The following RBP7 variants were observed in gnomAD, a reference collection of about 807,000 sequenced individuals.
RBP7 encodes retinol binding protein 7.
A neutral mutation model predicts 16.7 loss-of-function variants in RBP7; 13 were observed. The observed-to-expected ratio is 0.78, with a 90% confidence interval of 0.51 to 1.24. RBP7 has a LOEUF of 1.24. Among genes scored for constraint, RBP7 ranks in the 50% most tolerant of loss-of-function variants. The pLI is 0.00. For missense variants in RBP7, 145 were observed against 159.5 expected, an observed-to-expected ratio of 0.91 and a Z score of 0.49; for synonymous variants, 54 against 56.2, an observed-to-expected ratio of 0.96 and a Z score of 0.17.
At chr1:10,014,260 G>C (rs76733852) in intron 3 of RBP7, among the ~76,000 whole-genome samples, 3,049 of 152,210 alleles carry the variant, frequency 0.02, 85 homozygotes, top group African/African-American at 0.069. Context: ...CTTCCATGTT[G>C]AACGGTGAAC....
intron 1 of RBP7, 100 bp from the exon 2 acceptor site, chr1:10,007,470 A>G (rs1225554731): frequency 9.2e-6 from 8 of 866,808 alleles, no homozygotes; most frequent in South Asian, 7.4e-5. Flanking sequence ...CGTACAGGAA[A>G]TGCTAACAAT....
intron 3 of RBP7, among the ~76,000 whole-genome samples, chr1:10,010,533 C>T (rs953342518): frequency 2.0e-5 from 3 of 152,064 alleles, no homozygotes; most frequent in African/African-American, 7.2e-5. Context: ...TCTCCTGCCT[C>T]AGCCTCCCAA....
At chr1:10,009,225 C>T (rs1168694444) in intron 3 of RBP7, among the ~76,000 whole-genome samples, 2 of 152,046 alleles carry the variant, frequency 1.3e-5, no homozygotes, top group Non-Finnish European at 2.9e-5. Flanking sequence ...TCCTGGCCAA[C>T]ATGGTGAAAC....
intron 2 of RBP7, 144 bp downstream of exon 2, chr1:10,007,892 A>T: frequency 1.3e-6 from 1 of 769,500 alleles, no homozygotes. Flanking sequence ...ACAGAAAAAA[A>T]TTCAAAAAGT....
intron 1 of RBP7, among the ~76,000 whole-genome samples, chr1:10,006,733 G>A (rs1047156810): frequency 7.2e-6 from 1 of 139,796 alleles, no homozygotes; most frequent in Non-Finnish European, 1.5e-5. Context: ...ATACGTGTGT[G>A]TGTGTGTGTG....
rs570451151 is a variant in RBP7, at chr1:10,005,189, T to C, written c.74-2381T>C. Among the ~76,000 whole-genome samples, 8 of 151,996 alleles carry C rather than the reference T, an allele frequency of 5.3e-5. No individual in the cohort carries two copies. In the South Asian group the frequency reaches 6.2e-4, roughly 12 times the overall value. On this transcript the variant is annotated intron_variant, in intron 1 of 3. Transcript: ENST00000294435. The stretch of plus-strand genomic sequence containing the variant: ...AGGCATGTACCACTATGCCCAGCTG[T>C]TTTTTTGAGATATTTGTTTGTTTGT...
At chr1:10,002,602 C>T (rs530920470) in intron 1 of RBP7, among the ~76,000 whole-genome samples, 20 of 152,150 alleles carry the variant, frequency 1.3e-4, no homozygotes, top group South Asian at 6.2e-4. Context: ...TAGGCTCAAG[C>T]GATCCTCCCA....
intron 3 of RBP7, among the ~76,000 whole-genome samples, chr1:10,012,346 A>T (rs1462316384): frequency 6.6e-6 from 1 of 151,386 alleles, no homozygotes; most frequent in African/African-American, 2.4e-5. Context: ...ATGCCACTGC[A>T]CTCCAGCCTG....
At chr1:10,015,446 C>CT (rs1442358559) in intron 3 of RBP7, among the ~76,000 whole-genome samples, 1 of 115,204 alleles carries the variant, frequency 8.7e-6, no homozygotes, top group Non-Finnish European at 1.6e-5. Context: ...GAGACTCCAT[C>CT]TCAAAAAAAA....
At chr1:10,004,315 C>A (rs58907310) in intron 1 of RBP7, 1,590 of 151,028 alleles carry the variant, frequency 0.011, 31 homozygotes, top group Middle Eastern at 0.041. Flanking sequence ...CAGGTGATCG[C>A]CCACCTCTGC....
intron 1 of RBP7, chr1:10,007,045 C>G (rs1350716220): frequency 5.3e-6 from 2 of 377,552 alleles, no homozygotes; most frequent in Non-Finnish European, 5.2e-6. Context: ...CTCCTGGGTT[C>G]AAGCAATTCT....
At chr1:10,010,469 T>C (rs976618223) in intron 3 of RBP7, among the ~76,000 whole-genome samples, 2 of 151,934 alleles carry the variant, frequency 1.3e-5, no homozygotes, top group Non-Finnish European at 2.9e-5. Flanking sequence ...CAGGCTTGAG[T>C]GCAGTGGCGC....
intron 3 of RBP7, among the ~76,000 whole-genome samples, chr1:10,010,718 G>A (rs187585353): frequency 5.3e-4 from 81 of 152,038 alleles, no homozygotes; most frequent in Non-Finnish European, 9.7e-4. Flanking sequence ...CCAAGTAGCT[G>A]GAATTACAGG....
intron 2 of RBP7, among the ~76,000 whole-genome samples, 155 bp from the exon 3 acceptor site, chr1:10,008,018 C>T (rs1008557609): frequency 6.6e-6 from 1 of 150,912 alleles, no homozygotes. Context: ...CGTGCCACTG[C>T]ACTCCAGCCT....
At chr1:10,011,350 C>T (rs2101738847) in intron 3 of RBP7, among the ~76,000 whole-genome samples, 1 of 152,214 alleles carries the variant, frequency 6.6e-6, no homozygotes. Flanking sequence ...GGGAAGTCTT[C>T]TCTGGTGCCC....
intron 3 of RBP7, among the ~76,000 whole-genome samples, chr1:10,009,610 C>A (rs543321311): frequency 1.3e-5 from 2 of 151,426 alleles, no homozygotes; most frequent in Non-Finnish European, 2.9e-5. Flanking sequence ...CAGCTCACTG[C>A]AACCTCTGCC....
chr1:10,001,809 GTTTA>G (rs112287943), intron 1 of RBP7, among the ~76,000 whole-genome samples: 3,937 of 145,610 alleles, frequency 0.027, 86 homozygotes, highest in East Asian at 0.057. Flanking sequence ...AATTTAATTA[GTTTA>G]TTTATTTATT....
At chr1:10,006,684 G>C (rs1400793188) in intron 1 of RBP7, among the ~76,000 whole-genome samples, 3 of 148,896 alleles carry the variant, frequency 2.0e-5, no homozygotes, top group Non-Finnish European at 4.4e-5. Flanking sequence ...GACAGAGTGA[G>C]ACTGTGTCTC....
At position 9,997,277 on chromosome 1, in the gene RBP7, G is replaced by C. The variant is rs545971070; in HGVS notation, c.19G>C (p.Gly7Arg). 6.3e-6 allele frequency: 10 copies of C among 1,596,348 alleles called. No homozygotes were observed. Among genetic ancestry groups the C allele is most frequent in the Non-Finnish European group, 6.8e-6 (8 of 1,169,848 alleles). Residue 7 changes from glycine to arginine, a missense_variant, in exon 1 of 4, where the codon GGT (glycine) becomes CGT (arginine). By Grantham distance (125) the Gly-to-Arg change is moderately radical. Transcript: ENST00000294435. The surrounding 1 kb of genome is among the most constrained non-coding windows in gnomAD (Gnocchi z 5.9). Reference protein sequence around the residue: MPADLSGTWTLLSSDNF... With the variant: MPADLSRTWTLLSSDNF... ...CCCGACCATGCCCGCCGACCTCAGCGGTACTTGGACCCTGCTCAGCAGCGA... is the reference window on the plus strand; with the variant it reads ...CCCGACCATGCCCGCCGACCTCAGCCGTACTTGGACCCTGCTCAGCAGCGA...
Sources: gnomAD v4.1 joint callset for allele counts (sites outside exome capture counted in the v4.1 genomes callset) on GRCh38, gnomAD v4.1.1 for gene constraint, Gnocchi (gnomAD v3.1) non-coding constraint, MANE v1.5 for transcripts, NCBI Gene and HGNC (gene_info 2026-07-23, HGNC 2026-07-21) for gene names.